The following GALNTL6 variants were observed in gnomAD, a reference collection of about 807,000 sequenced individuals.
GALNTL6 encodes the protein polypeptide N-acetylgalactosaminyltransferase-like 6.
In GALNTL6, 46 loss-of-function variants were observed where a neutral mutation model predicts 73.7. The observed-to-expected ratio is 0.62, with a 90% CI of 0.49 to 0.80. The LOEUF is 0.80. GALNTL6 is among the 30% of genes least tolerant of loss of function. GALNTL6 has a pLI of 0.00. For synonymous variants in GALNTL6, 259 were observed against 263.7 expected, an observed-to-expected ratio of 0.98 and a Z score of 0.17; for missense variants, 604 against 755.0, an observed-to-expected ratio of 0.80 and a Z score of 2.34.
intron 2 of GALNTL6, among the ~76,000 whole-genome samples, chr4:172,139,270 T>TA (rs1733740648): frequency 6.6e-6 from 1 of 152,224 alleles, no homozygotes; most frequent in Non-Finnish European, 1.5e-5. Flanking sequence ...TTAAAAATGT[T>TA]AAAGTGCTTC....
intron 5 of GALNTL6, among the ~76,000 whole-genome samples, chr4:172,395,685 C>T (rs759107292): frequency 6.6e-6 from 1 of 151,790 alleles, no homozygotes; most frequent in Non-Finnish European, 1.5e-5. Flanking sequence ...AAGAATAATC[C>T]CTGAACTCCA....
At chr4:172,548,427 T>G (rs183820642) in intron 5 of GALNTL6, among the ~76,000 whole-genome samples, 59 of 152,316 alleles carry the variant, frequency 3.9e-4, no homozygotes, top group Middle Eastern at 3.4e-3. Context: ...TATATTAACA[T>G]GATTCTCATA....
chr4:172,226,548 AAAG>A (rs1230808724), intron 2 of GALNTL6, among the ~76,000 whole-genome samples: 1 of 149,636 alleles, frequency 6.7e-6, no homozygotes, highest in African/African-American at 2.5e-5. Context: ...TTTTTAAAGG[AAAG>A]AAGTTCTGTG....
intron 12 of GALNTL6, among the ~76,000 whole-genome samples, chr4:173,027,485 C>A (rs1276104272): frequency 6.6e-6 from 1 of 152,146 alleles, no homozygotes; most frequent in Non-Finnish European, 1.5e-5. Flanking sequence ...ATTGTTAAAT[C>A]CTCAAGTTTT....
At chr4:172,306,645 C>T (rs558113124) in intron 3 of GALNTL6, among the ~76,000 whole-genome samples, 1 of 152,206 alleles carries the variant, frequency 6.6e-6, no homozygotes, top group African/African-American at 2.4e-5. Context: ...GCCCAGAGTC[C>T]ATAATATTAT....
intron 8 of GALNTL6, among the ~76,000 whole-genome samples, chr4:172,901,889 C>G (rs1337076049): frequency 4.6e-5 from 7 of 152,174 alleles, no homozygotes; most frequent in Non-Finnish European, 1.0e-4. Context: ...GAGAAATGAT[C>G]TGTCTGCACT....
At chr4:172,945,032 T>C (rs1388023887) in intron 9 of GALNTL6, among the ~76,000 whole-genome samples, 1 of 140,504 alleles carries the variant, frequency 7.1e-6, no homozygotes, top group African/African-American at 2.7e-5. Flanking sequence ...CACTCCAGCC[T>C]GGGCAAAAAG....
At chr4:172,443,806 T>A (rs1349977960) in intron 5 of GALNTL6, among the ~76,000 whole-genome samples, 3 of 152,188 alleles carry the variant, frequency 2.0e-5, no homozygotes, top group African/African-American at 7.2e-5. Context: ...AACCTATATA[T>A]ATGGGATCTT....
chr4:172,042,383 C>T (rs898154558), intron 2 of GALNTL6, among the ~76,000 whole-genome samples: 4 of 151,936 alleles, frequency 2.6e-5, no homozygotes, highest in African/African-American at 9.7e-5. Flanking sequence ...TAAAAATAAG[C>T]CTTTAACTCC....
chr4:172,456,911 A>G (rs1330321738), intron 5 of GALNTL6, among the ~76,000 whole-genome samples: 3 of 152,158 alleles, frequency 2.0e-5, no homozygotes. Context: ...CAGATTCACC[A>G]AGGTTGAAAT....
intron 3 of GALNTL6, among the ~76,000 whole-genome samples, chr4:172,255,757 A>G (rs1168264395): frequency 6.6e-6 from 1 of 151,356 alleles, no homozygotes; most frequent in Non-Finnish European, 1.5e-5. Flanking sequence ...GAGCTTTGAT[A>G]TTTTTTCAGA....
intron 7 of GALNTL6, among the ~76,000 whole-genome samples, chr4:172,846,304 A>G (rs1743503149): frequency 6.6e-6 from 1 of 152,222 alleles, no homozygotes; most frequent in Non-Finnish European, 1.5e-5. Context: ...AAAATATAAT[A>G]GTGCTATTTC....
At chr4:172,449,039 G>A (rs1732121267) in intron 5 of GALNTL6, among the ~76,000 whole-genome samples, 1 of 152,110 alleles carries the variant, frequency 6.6e-6, no homozygotes, top group Non-Finnish European at 1.5e-5. Flanking sequence ...ATGGATACAA[G>A]CTGAAGGAAG....
intron 4 of GALNTL6, among the ~76,000 whole-genome samples, chr4:172,324,065 T>C (rs1433001908): frequency 2.0e-5 from 3 of 152,030 alleles, no homozygotes; most frequent in Admixed American, 2.0e-4. Flanking sequence ...ACTTGCTGCC[T>C]GTTTATTATG....
At chr4:172,407,153 T>G (rs1418079612) in intron 5 of GALNTL6, among the ~76,000 whole-genome samples, 1 of 152,096 alleles carries the variant, frequency 6.6e-6, no homozygotes, top group Non-Finnish European at 1.5e-5. Flanking sequence ...ATATTCGCAC[T>G]TTATCATTGC....
chr4:172,229,602 C>A, intron 2 of GALNTL6, 54 bp from the exon 3 acceptor site: 1 of 1,057,482 alleles, frequency 9.5e-7, no homozygotes, highest in Non-Finnish European at 1.5e-6. Context: ...TGTTTACCTA[C>A]CATGCAAAAG....
At chr4:172,546,784 T>TTATATATATATACGTA (rs1561131697) in intron 5 of GALNTL6, among the ~76,000 whole-genome samples, 2 of 16,344 alleles carry the variant, frequency 1.2e-4, no homozygotes, top group South Asian at 4.8e-3. Context: ...CAACTCCGCT[T>TTATATATATATACGTA]TATATATATA....
At chr4:172,899,449 A>T (rs1253188870) in intron 8 of GALNTL6, among the ~76,000 whole-genome samples, 1 of 151,272 alleles carries the variant, frequency 6.6e-6, no homozygotes, top group African/African-American at 2.5e-5. Context: ...CATTTTTAGA[A>T]ATCTTTGAAT....
intron 2 of GALNTL6, among the ~76,000 whole-genome samples, chr4:172,082,862 T>C (rs1271231537): frequency 6.6e-6 from 1 of 152,176 alleles, no homozygotes; most frequent in Non-Finnish European, 1.5e-5. Flanking sequence ...AAAGTTTTAT[T>C]GGAAGTGGAG....
Sources: allele counts gnomAD v4.1 joint callset (sites outside exome capture counted in the v4.1 genomes callset), GRCh38; gene constraint gnomAD v4.1.1; transcripts MANE v1.5; gene names NCBI Gene and HGNC (gene_info 2026-07-23, HGNC 2026-07-21).